Variants in PTPRD observed in about 807,000 individuals in gnomAD.
PTPRD encodes the protein receptor-type tyrosine-protein phosphatase delta.
In PTPRD, 34 loss-of-function variants were observed where a neutral mutation model predicts 214.5. The ratio of observed to expected loss-of-function variants is 0.16; its 90% CI spans 0.12 to 0.21. The LOEUF (loss-of-function observed/expected upper bound fraction) is 0.21. Ranked by LOEUF, PTPRD falls within the 10% of genes least tolerant of loss-of-function variation. PTPRD has a pLI of 1.00. For synonymous variants in PTPRD, 1,128 were observed against 845.7 expected (o/e 1.33, Z -5.79); for missense variants, 2,545 against 2,398.7 (o/e 1.06, Z -1.27).
chr9:9,214,432 G>C (rs998592336), intron 9 of PTPRD, among the ~76,000 whole-genome samples: 1 of 151,964 alleles, frequency 6.6e-6, no homozygotes, highest in Non-Finnish European at 1.5e-5. Context: ...CATCATGATG[G>C]AACAGTTTCT....
intron 9 of PTPRD, among the ~76,000 whole-genome samples, chr9:9,251,336 T>C (rs115921575): frequency 7.9e-5 from 12 of 152,122 alleles, no homozygotes; most frequent in Non-Finnish European, 1.2e-4. Context: ...CTTTACACAA[T>C]ACTTCATCCC....
At chr9:9,548,469 A>ATGATCT in intron 8 of PTPRD, among the ~76,000 whole-genome samples, 1 of 142,582 alleles carries the variant, frequency 7.0e-6, no homozygotes, top group African/African-American at 2.6e-5. Context: ...GGGCAGTGAC[A>ATGATCT]TGATCTTGGT....
At chr9:9,918,316 T>A (rs2081509420) in intron 5 of PTPRD, among the ~76,000 whole-genome samples, 1 of 107,134 alleles carries the variant, frequency 9.3e-6, no homozygotes, top group African/African-American at 3.4e-5. Flanking sequence ...ACAAGAAACT[T>A]ATAAAATACC....
At chr9:9,547,031 G>C (rs1050139162) in intron 8 of PTPRD, among the ~76,000 whole-genome samples, 1 of 151,706 alleles carries the variant, frequency 6.6e-6, no homozygotes, top group African/African-American at 2.4e-5. Flanking sequence ...AGCAGGGGAA[G>C]ACTATGAAGA....
chr9:10,217,277 C>T (rs902618527), intron 3 of PTPRD, among the ~76,000 whole-genome samples: 1 of 151,584 alleles, frequency 6.6e-6, no homozygotes, highest in Non-Finnish European at 1.5e-5. Context: ...CTCTTCCAGG[C>T]CAACACAGAC....
At position 8,315,524 on chromosome 9, in the gene PTPRD, A is replaced by AAAAG. The variant is rs1821174079; in HGVS notation, c.*2346_*2349dup. 4.3e-6 allele frequency: 1 copy of AAAAG among 231,804 alleles called. No homozygotes were observed. Among genetic ancestry groups the AAAAG allele is most frequent in the African/African-American group, 2.2e-5 (1 of 45,234 alleles). The allele number at this position is 231,804 out of a possible 1,614,324, so 14.4% of individuals were successfully genotyped here. On this transcript the variant is annotated 3_prime_UTR_variant, in exon 46 of 46. Coordinates refer to ENST00000381196, the MANE Select transcript of PTPRD (RefSeq NM_002839.4). ...ATAAATCTCCAAAAAGATACAAACT[A>AAAAG]AAAGAAAATAATGATAACAGACCCA... is the stretch of plus-strand genomic sequence containing the variant.
chr9:8,507,237 C>A, intron 22 of PTPRD, 64 bp downstream of exon 22: 1 of 1,557,702 alleles, frequency 6.4e-7, no homozygotes, highest in South Asian at 1.2e-5. Flanking sequence ...GATAAATACA[C>A]AAAAATAAAA....
chr9:9,443,618 G>A (rs1421602048), intron 8 of PTPRD, among the ~76,000 whole-genome samples: 1 of 152,138 alleles, frequency 6.6e-6, no homozygotes, highest in Non-Finnish European at 1.5e-5. Context: ...AGATCGCTTG[G>A]AGAAGCCATG....
intron 37 of PTPRD, among the ~76,000 whole-genome samples, chr9:8,382,836 C>T (rs1259421574): frequency 2.0e-5 from 3 of 152,180 alleles, no homozygotes; most frequent in Non-Finnish European, 4.4e-5. Flanking sequence ...GTTTCTGTTG[C>T]CCTAGATAGG....
At chr9:9,137,667 A>G (rs1474018074) in intron 10 of PTPRD, among the ~76,000 whole-genome samples, 16 of 152,180 alleles carry the variant, frequency 1.1e-4, no homozygotes, top group South Asian at 8.3e-4. Context: ...AAATTTATTA[A>G]GCAAAAATGT....
At chr9:9,069,998 A>C (rs2099741442) in intron 10 of PTPRD, among the ~76,000 whole-genome samples, 1 of 152,212 alleles carries the variant, frequency 6.6e-6, no homozygotes, top group Admixed American at 6.5e-5. Context: ...AGTTTAAAGT[A>C]AATCAACACT....
chr9:8,566,876 G>A (rs1331780914), intron 14 of PTPRD, among the ~76,000 whole-genome samples: 1 of 152,156 alleles, frequency 6.6e-6, no homozygotes, highest in Non-Finnish European at 1.5e-5. Flanking sequence ...CCTGGACACT[G>A]CCTTGGGTAG....
intron 4 of PTPRD, among the ~76,000 whole-genome samples, chr9:9,947,365 A>ATATATTATATATATAT (rs2092757655): frequency 2.5e-5 from 1 of 40,736 alleles, no homozygotes; most frequent in Admixed American, 5.4e-4. Flanking sequence ...TATATATATT[A>ATATATTATATATATAT]TATATATATT....
intron 11 of PTPRD, among the ~76,000 whole-genome samples, chr9:8,875,979 C>A (rs565922494): frequency 6.6e-6 from 1 of 152,256 alleles, no homozygotes; most frequent in South Asian, 2.1e-4. Flanking sequence ...ATCCTGTAGC[C>A]CTATGCCTGG....
chr9:8,834,563 A>G (rs77682685), intron 11 of PTPRD, among the ~76,000 whole-genome samples: 15,918 of 152,112 alleles, frequency 0.1, 883 homozygotes, highest in African/African-American at 0.13. Flanking sequence ...ATAAAAATTG[A>G]TTTTTTGACT....
chr9:9,780,652 A>C (rs886983790), intron 5 of PTPRD, among the ~76,000 whole-genome samples: 8 of 152,220 alleles, frequency 5.3e-5, no homozygotes, highest in Non-Finnish European at 1.5e-5. Context: ...ACAAAGCTAA[A>C]TGATATGATT....
intron 2 of PTPRD, among the ~76,000 whole-genome samples, chr9:10,522,569 T>C (rs897474934): frequency 1.3e-5 from 2 of 152,046 alleles, no homozygotes; most frequent in African/African-American, 4.8e-5. Flanking sequence ...TAAAGGTGAA[T>C]CCAGATTTTA....
At chr9:9,581,151 G>C (rs976239350) in intron 7 of PTPRD, among the ~76,000 whole-genome samples, 9 of 152,050 alleles carry the variant, frequency 5.9e-5, no homozygotes, top group Non-Finnish European at 1.3e-4. Context: ...AGATTAGAAA[G>C]CTTCTAGTCT....
chr9:8,405,160 G>T (rs770420200), intron 35 of PTPRD, among the ~76,000 whole-genome samples: 5 of 152,060 alleles, frequency 3.3e-5, no homozygotes, highest in African/African-American at 7.2e-5. Context: ...GGCAACTTAA[G>T]GTTTTGTCTG....
Sources: allele counts gnomAD v4.1 joint callset (sites outside exome capture counted in the v4.1 genomes callset), GRCh38; gene constraint gnomAD v4.1.1; transcripts MANE v1.5; gene names NCBI Gene and HGNC (gene_info 2026-07-23, HGNC 2026-07-21).